Variants in EHMT1 observed in about 807,000 individuals in gnomAD.
The protein encoded by EHMT1 is euchromatic histone lysine methyltransferase 1.
In EHMT1, 15 loss-of-function variants were observed where a neutral mutation model predicts 147.2. The ratio of observed to expected loss-of-function variants is 0.10; its 90% CI spans 0.07 to 0.16. The LOEUF is 0.16. Among genes scored for constraint, EHMT1 ranks in the 10% least tolerant of loss-of-function variants. The pLI, the probability that EHMT1 is intolerant of heterozygous loss-of-function variation, is 1.00. For synonymous variants in EHMT1, 795 were observed against 709.6 expected (o/e 1.12, Z -1.91); for missense variants, 1,587 against 1,772.4 (o/e 0.90, Z 1.88).
chr9:137,619,284 C>T (rs1842801268), intron 1 of EHMT1, among the ~76,000 whole-genome samples: 1 of 143,112 alleles, frequency 7.0e-6, no homozygotes, highest in African/African-American at 2.5e-5. Context: ...GCGGGCCGGG[C>T]GGCGGCTGGG....
At chr9:137,676,759 T>C (rs1017301957) in intron 1 of EHMT1, among the ~76,000 whole-genome samples, 1 of 152,022 alleles carries the variant, frequency 6.6e-6, no homozygotes, top group African/African-American at 2.4e-5. Flanking sequence ...CTGGGGGAAG[T>C]GGGTGGGGTC....
At chr9:137,729,913 C>T (rs1440565963) in intron 4 of EHMT1, among the ~76,000 whole-genome samples, 1 of 152,236 alleles carries the variant, frequency 6.6e-6, no homozygotes, top group Admixed American at 6.5e-5. Context: ...TTCCGCATTT[C>T]CCATTCCCGA....
chr9:137,722,749 G>C (rs1420956438), intron 3 of EHMT1, among the ~76,000 whole-genome samples: 1 of 152,138 alleles, frequency 6.6e-6, no homozygotes, highest in Non-Finnish European at 1.5e-5. Context: ...TGGCGGTAGG[G>C]TGCCTGCCCT....
intron 3 of EHMT1, among the ~76,000 whole-genome samples, chr9:137,724,495 T>C (rs1184199366): frequency 6.6e-6 from 1 of 152,250 alleles, no homozygotes; most frequent in African/African-American, 2.4e-5. Flanking sequence ...AGTTAAGCCA[T>C]TCTTAGTCTT....
chr9:137,777,993 C>A lies in EHMT1; in HGVS notation c.2130C>A (p.Gly710=). ...GPAGLGRPTP[G]LSQGPGKETL... is the part of the protein sequence containing the mutation. Reference sequence around the variant, plus strand: ...CTGGGCTTGGGAGGCCAACTCCCGGCCTTTCCCAGGGACCAGGGAAGGAAA... The same window carrying A: ...CTGGGCTTGGGAGGCCAACTCCCGGACTTTCCCAGGGACCAGGGAAGGAAA... Residue 710 remains glycine, a synonymous_variant, in exon 13 of 27, where the codon GGC becomes GGA. Transcript: ENST00000460843. 6.2e-7 allele frequency: 1 copy of A among 1,613,912 alleles called. No homozygotes were observed. The highest frequency in any genetic ancestry group is 1.3e-5 in the African/African-American group (1 of 75,048).
chr9:137,656,602 C>T (rs1938474885), intron 1 of EHMT1, among the ~76,000 whole-genome samples: 1 of 152,154 alleles, frequency 6.6e-6, no homozygotes, highest in South Asian at 2.1e-4. Flanking sequence ...TGGGCCTGTG[C>T]TGTGGACTGG....
At chr9:137,788,122 C>G in intron 15 of EHMT1, 1 of 1,236,742 alleles carries the variant, frequency 8.1e-7, no homozygotes, top group Non-Finnish European at 1.1e-6. Context: ...AGAGGCCTCT[C>G]AGAGGAGGGC....
chr9:137,732,357 G>A lies in EHMT1; in HGVS notation c.823+3828G>A, dbSNP rs1947185125. Among the ~76,000 whole-genome samples, 1 of 152,246 alleles carries A rather than the reference G, an allele frequency of 6.6e-6. No homozygotes were observed. The highest frequency in any genetic ancestry group is 6.5e-5 in the Admixed American group (1 of 15,288). ...CCCTTTTTGCACCCGCTGTTGCGTG[G>A]GTCCCGAGTTCTTGTCTTGGGTCCA... On this transcript the variant is annotated intron_variant, in intron 4 of 26. Coordinates refer to ENST00000460843, the MANE Select transcript of EHMT1 (RefSeq NM_024757.5). The surrounding 1 kb of genome is among the most constrained non-coding windows in gnomAD (Gnocchi z 4.6).
Position 137,646,612 on chromosome 9 carries a change from C to T in EHMT1, c.21+27563C>T, listed in dbSNP as rs542228738. Among the ~76,000 whole-genome samples, 20 of 124,546 alleles carry T rather than the reference C, an allele frequency of 1.6e-4. No homozygotes were observed. In the East Asian group the frequency reaches 4.3e-3, roughly 27 times the overall value. The allele number at this position is 124,546 out of a possible 152,430, so 81.7% of individuals were successfully genotyped here. ...TGGGGGAGGCCCACGTGCATGTGGG[C>T]TGGGGTGGCCTGGGGGAGGTGTGGC... On this transcript the variant is annotated intron_variant, in intron 1 of 26. Transcript: ENST00000460843.
At chr9:137,801,066 C>G in intron 18 of EHMT1, 82 bp downstream of exon 18, 1 of 1,302,418 alleles carries the variant, frequency 7.7e-7, no homozygotes. Context: ...TTCTCAAAAG[C>G]AGAACCCTGG....
intron 16 of EHMT1, among the ~76,000 whole-genome samples, chr9:137,792,865 GATTAAA>G (rs1952630213): frequency 6.6e-6 from 1 of 152,196 alleles, no homozygotes; most frequent in Admixed American, 6.5e-5. Flanking sequence ...AGACAAACTT[GATTAAA>G]ATTAAAAACG....
At chr9:137,698,575 G>C (rs920459314) in intron 1 of EHMT1, among the ~76,000 whole-genome samples, 1 of 152,206 alleles carries the variant, frequency 6.6e-6, no homozygotes, top group Admixed American at 6.5e-5. Flanking sequence ...TATCCCCAGG[G>C]CCCAGATGCA....
At chr9:137,673,741 T>C (rs1295540555) in intron 1 of EHMT1, among the ~76,000 whole-genome samples, 1 of 152,160 alleles carries the variant, frequency 6.6e-6, no homozygotes, top group Non-Finnish European at 1.5e-5. Context: ...ATTAGAAAAA[T>C]GTTAAGGCCC....
At chr9:137,713,263 ATTTTTTTTTTT>A (rs59459382) in intron 2 of EHMT1, among the ~76,000 whole-genome samples, 1 of 102,354 alleles carries the variant, frequency 9.8e-6, no homozygotes, top group Non-Finnish European at 2.0e-5. Context: ...CACCATGCTA[ATTTTTTTTTTT>A]TTTTTTTTTT....
At position 137,813,257 on chromosome 9, in the gene EHMT1, C is replaced by G. The variant is rs1954639333; in HGVS notation, c.3035+84C>G. On this transcript the variant is annotated intron_variant, in intron 20 of 26. Coordinates refer to ENST00000460843, the MANE Select transcript of EHMT1 (RefSeq NM_024757.5). This position sits in a 1 kb window ranked among gnomAD's most constrained non-coding sequence, Gnocchi z 4.9. ...CTTGCGGTGAAAGCTGCTCCTGAAGCCGAAACATCCCCAGGCTGCAGTCCA... is the reference window on the plus strand; with the variant it reads ...CTTGCGGTGAAAGCTGCTCCTGAAGGCGAAACATCCCCAGGCTGCAGTCCA... 9 of 1,566,294 alleles carry G rather than the reference C, an allele frequency of 5.7e-6. 1 individual carries two copies. In the South Asian group the frequency reaches 1.0e-4, roughly 18 times the overall value.
At chr9:137,761,704 G>A (rs532695208) in intron 9 of EHMT1, among the ~76,000 whole-genome samples, 1 of 152,204 alleles carries the variant, frequency 6.6e-6, no homozygotes, top group South Asian at 2.1e-4. Context: ...TGATCTGCCC[G>A]CCTTGGCCTC....
At chr9:137,758,106 A>G in intron 9 of EHMT1, 95 bp downstream of exon 9, 2 of 1,544,078 alleles carry the variant, frequency 1.3e-6, no homozygotes, top group Non-Finnish European at 1.8e-6. Context: ...CTTGGTGGAC[A>G]CTAGTAGAAG....
chr9:137,818,177 T>G (rs1484288301), intron 25 of EHMT1, 39 bp downstream of exon 25: 2 of 1,606,180 alleles, frequency 1.2e-6, no homozygotes, highest in African/African-American at 2.7e-5. Context: ...GCAGAACTTG[T>G]GAACTGTAAA....
intron 6 of EHMT1, 119 bp from the exon 7 acceptor site, chr9:137,752,212 C>T (rs987423514): frequency 4.8e-5 from 59 of 1,237,396 alleles, no homozygotes; most frequent in Middle Eastern, 2.5e-4. Context: ...CGAGCGTCTC[C>T]GGCGTGTGCG....
Sources: gnomAD v4.1 joint callset for allele counts (sites outside exome capture counted in the v4.1 genomes callset) on GRCh38, gnomAD v4.1.1 for gene constraint, Gnocchi (gnomAD v3.1) non-coding constraint, MANE v1.5 for transcripts, NCBI Gene and HGNC (gene_info 2026-07-23, HGNC 2026-07-21) for gene names.